Variants in KCNH5 observed in about 807,000 individuals in gnomAD.
The protein encoded by KCNH5 is voltage-gated delayed rectifier potassium channel KCNH5.
In KCNH5, 46 loss-of-function variants were observed where a neutral mutation model predicts 96.1. The observed-to-expected ratio is 0.48, with a 90% confidence interval of 0.38 to 0.61. The LOEUF is 0.61. Among genes scored for constraint, KCNH5 ranks in the 20% least tolerant of loss-of-function variants. KCNH5 has a pLI of 0.00. For synonymous variants in KCNH5, 439 were observed against 449.8 expected (o/e 0.98, Z 0.30); for missense variants, 907 against 1,225.8 (o/e 0.74, Z 3.88).
intron 10 of KCNH5, among the ~76,000 whole-genome samples, chr14:62,741,750 A>G (rs576854928): frequency 2.6e-5 from 4 of 152,236 alleles, no homozygotes; most frequent in Admixed American, 1.3e-4. Context: ...ATACACAGTA[A>G]TGGTTTTGTT....
intron 10 of KCNH5, among the ~76,000 whole-genome samples, chr14:62,734,865 CTT>C (rs1000788277): frequency 5.3e-5 from 8 of 151,950 alleles, no homozygotes; most frequent in African/African-American, 1.9e-4. Flanking sequence ...ATAATAAACC[CTT>C]GTTATGCTTT....
intron 8 of KCNH5, among the ~76,000 whole-genome samples, chr14:62,844,921 T>TG (rs2140040839): frequency 6.6e-6 from 1 of 152,284 alleles, no homozygotes; most frequent in South Asian, 2.1e-4. Context: ...TCTCAGTCAT[T>TG]GGGGCGAAGG....
chr14:62,768,195 C>G (rs967447101), intron 10 of KCNH5, among the ~76,000 whole-genome samples: 2 of 147,866 alleles, frequency 1.4e-5, no homozygotes, highest in East Asian at 4.0e-4. Flanking sequence ...CACTCGAACC[C>G]CTTAAATTTA....
At chr14:62,946,685 A>G (rs1001988247) in intron 7 of KCNH5, among the ~76,000 whole-genome samples, 4 of 152,130 alleles carry the variant, frequency 2.6e-5, no homozygotes, top group Non-Finnish European at 4.4e-5. Flanking sequence ...ATGTCCTTCA[A>G]TAGATGGTGA....
At chr14:62,928,224 T>G (rs1889511913) in intron 7 of KCNH5, among the ~76,000 whole-genome samples, 1 of 152,080 alleles carries the variant, frequency 6.6e-6, no homozygotes, top group African/African-American at 2.4e-5. Flanking sequence ...AGTCATGCGG[T>G]GATAACCTCA....
chr14:62,772,760 A>T (rs1886017920), intron 10 of KCNH5, among the ~76,000 whole-genome samples: 1 of 152,106 alleles, frequency 6.6e-6, no homozygotes, highest in Admixed American at 6.6e-5. Flanking sequence ...AGAATGCAGT[A>T]TTATCAGCAA....
At chr14:62,867,520 T>C (rs889444192) in intron 7 of KCNH5, among the ~76,000 whole-genome samples, 1 of 152,196 alleles carries the variant, frequency 6.6e-6, no homozygotes, top group Non-Finnish European at 1.5e-5. Flanking sequence ...CTACCATCCA[T>C]GCTCAACCCA....
intron 4 of KCNH5, among the ~76,000 whole-genome samples, chr14:62,999,419 G>A (rs180739101): frequency 6.6e-6 from 1 of 151,926 alleles, no homozygotes; most frequent in East Asian, 1.9e-4. Flanking sequence ...TGAGTTCATT[G>A]TAGATTCTGG....
intron 7 of KCNH5, among the ~76,000 whole-genome samples, chr14:62,853,339 C>A (rs1887845762): frequency 6.6e-6 from 1 of 151,202 alleles, no homozygotes; most frequent in African/African-American, 2.4e-5. Context: ...AAGGGTTGCG[C>A]TAAATGAGAT....
intron 10 of KCNH5, among the ~76,000 whole-genome samples, chr14:62,778,219 C>A (rs2171876): frequency 6.6e-6 from 1 of 152,102 alleles, no homozygotes; most frequent in African/African-American, 2.4e-5. Context: ...CCCTCACACA[C>A]CCAGATCCTT....
rs1286363254 is a variant in KCNH5 at position 62,708,186 on chromosome 14, C to A, written c.2289G>T (p.Thr763=). Residue 763 remains threonine (T), a synonymous_variant, in exon 11 of 11, where the codon ACG becomes ACT. Coordinates refer to ENST00000322893, the MANE Select transcript of KCNH5 (RefSeq NM_139318.5). ...CACTGGTTTTCACATAGGCCAGAGA[C>A]GTCTGAATGGGAGTAATCTGTGACA... ...VTVSQITPIQ[T]SLAYVKTSES... The A allele has an allele frequency of 6.2e-7, 1 of 1,614,234 alleles. No homozygotes were observed.
intron 2 of KCNH5, among the ~76,000 whole-genome samples, chr14:63,008,604 A>C (rs1002367): frequency 0.012 from 1,865 of 152,186 alleles, 29 homozygotes; most frequent in African/African-American, 0.033. Flanking sequence ...TAATATATTT[A>C]ATTTAAAAAG....
chr14:62,858,110 T>A lies in KCNH5; in HGVS notation c.1370-8258A>T, dbSNP rs140259978. On this transcript the variant is annotated intron_variant, in intron 7 of 10. Transcript: ENST00000322893. ...TGAAGATATTTTCTTAGTACAAGTA[T>A]ATACATGCACAAACACGTTTTTCAC... 2.6e-3 allele frequency among the ~76,000 whole-genome samples: 401 copies of A among 152,146 alleles called. 2 individuals are homozygous for A. The highest frequency in any genetic ancestry group is 4.3e-3 in the Non-Finnish European group (294 of 67,970).
chr14:62,817,128 T>G (rs1164094782), intron 8 of KCNH5, among the ~76,000 whole-genome samples: 1 of 137,532 alleles, frequency 7.3e-6, no homozygotes, highest in Non-Finnish European at 1.5e-5. Context: ...ATATTTATTA[T>G]AATATATAAT....
chr14:62,937,862 G>C (rs1889714441), intron 7 of KCNH5, among the ~76,000 whole-genome samples: 1 of 152,112 alleles, frequency 6.6e-6, no homozygotes, highest in Non-Finnish European at 1.5e-5. Flanking sequence ...CTGGGGAGGA[G>C]GGTCTGCTAT....
At chr14:62,857,906 C>T (rs1417008719) in intron 7 of KCNH5, among the ~76,000 whole-genome samples, 1 of 152,088 alleles carries the variant, frequency 6.6e-6, no homozygotes, top group African/African-American at 2.4e-5. Context: ...TATACATCTC[C>T]TGAGATCATA....
At position 62,705,428 on chromosome 14, in the gene KCNH5, G is replaced by A. The variant is rs550410617; in HGVS notation, c.*2080C>T. ...AAATTCAATAAATGTCAGAGGTCACGAAAAAGATATCATCCTCACCATGAA... is the reference window on the plus strand; with the variant it reads ...AAATTCAATAAATGTCAGAGGTCACAAAAAAGATATCATCCTCACCATGAA... On this transcript the variant is annotated 3_prime_UTR_variant, in exon 11 of 11. Coordinates refer to ENST00000322893, the MANE Select transcript of KCNH5 (RefSeq NM_139318.5). The A allele has an allele frequency of 1.2e-3, 187 of 151,992 alleles. No individual in the cohort carries two copies. Among genetic ancestry groups the A allele is most frequent in the African/African-American group, 4.4e-3 (184 of 41,522 alleles). The allele number at this position is 151,992 out of a possible 1,614,324, so 9.4% of individuals were successfully genotyped here.
At chr14:63,010,320 G>T (rs747098056) in intron 2 of KCNH5, among the ~76,000 whole-genome samples, 1 of 152,144 alleles carries the variant, frequency 6.6e-6, no homozygotes, top group Non-Finnish European at 1.5e-5. Context: ...AAATTATAAC[G>T]TGTTACACAA....
chr14:62,944,939 G>A (rs1889858052), intron 7 of KCNH5, among the ~76,000 whole-genome samples: 1 of 152,022 alleles, frequency 6.6e-6, no homozygotes, highest in Admixed American at 6.6e-5. Flanking sequence ...GGTATTCAAA[G>A]AATATAATAG....
Sources: allele counts gnomAD v4.1 joint callset (sites outside exome capture counted in the v4.1 genomes callset), GRCh38; gene constraint gnomAD v4.1.1; transcripts MANE v1.5; gene names NCBI Gene and HGNC (gene_info 2026-07-23, HGNC 2026-07-21).